Variants in COBLL1 observed in about 807,000 individuals in gnomAD.
The protein encoded by COBLL1 is cordon-bleu protein-like 1.
A neutral mutation model predicts 94.8 loss-of-function variants in COBLL1; 50 were observed. The ratio of observed to expected loss-of-function variants is 0.53; its 90% CI spans 0.42 to 0.67. The LOEUF (loss-of-function observed/expected upper bound fraction) is 0.67. Ranked by LOEUF, COBLL1 falls within the 30% of genes least tolerant of loss-of-function variation. The probability of loss-of-function intolerance (pLI) is 0.00; values close to 1 mark genes in which losing one functional copy is unlikely to be tolerated. For synonymous variants in COBLL1, 448 were observed against 473.8 expected (o/e 0.95, Z 0.71); for missense variants, 1,362 against 1,348.7 (o/e 1.01, Z -0.15).
intron 2 of COBLL1, among the ~76,000 whole-genome samples, chr2:164,808,267 C>T (rs1045453381): frequency 6.6e-6 from 1 of 152,112 alleles, no homozygotes; most frequent in Admixed American, 6.6e-5. Context: ...CAGTTTGATG[C>T]TTTATAGTCT....
intron 7 of COBLL1, among the ~76,000 whole-genome samples, chr2:164,705,979 A>G (rs2105459225): frequency 6.6e-6 from 1 of 152,344 alleles, no homozygotes; most frequent in Admixed American, 6.5e-5. Flanking sequence ...GGTGGCAGTG[A>G]GCCAAGATTG....
chr2:164,721,568 AT>A (rs1685443439), intron 7 of COBLL1, among the ~76,000 whole-genome samples: 8 of 152,132 alleles, frequency 5.3e-5, no homozygotes. Context: ...AAAAAGGCTC[AT>A]TTTCTTTTTT....
At chr2:164,702,538 T>C (rs1417709078) in intron 9 of COBLL1, among the ~76,000 whole-genome samples, 1 of 121,834 alleles carries the variant, frequency 8.2e-6, no homozygotes, top group East Asian at 2.3e-4. Context: ...CACTCCAGCC[T>C]GGGCAACAGT....
At position 164,834,597 on chromosome 2, in the gene COBLL1, T is replaced by C. The variant is rs537031694; in HGVS notation, c.41+6559A>G. ...ATTACTAGTTTATTTACTGATCTTA[T>C]AAATTAGGCCAGTGGGTCAGCAAAC... On this transcript the variant is annotated intron_variant, in intron 2 of 13. Transcript: ENST00000652658. Among the ~76,000 whole-genome samples the C allele has an allele frequency of 1.5e-3, 226 of 152,378 alleles. 2 individuals carry two copies. The highest frequency in any genetic ancestry group is 0.01 in the Middle Eastern group (3 of 294).
rs570295510 is a variant in COBLL1 at position 164,796,384 on chromosome 2, G to A, written c.41+44772C>T. On this transcript the variant is annotated intron_variant, in intron 2 of 13. Transcript: ENST00000652658. ...TGAAAATGAATTAACATGAAAAAGTGAAGAGCATTAGCAGAGAAAAATCAG... is the reference window on the plus strand; with the variant it reads ...TGAAAATGAATTAACATGAAAAAGTAAAGAGCATTAGCAGAGAAAAATCAG... Among the ~76,000 whole-genome samples, 12 of 152,204 alleles carry A rather than the reference G, an allele frequency of 7.9e-5. 1 individual carries two copies. The South Asian group carries it at 2.1e-3, about 26-fold the overall frequency.
At chr2:164,687,192 T>C in intron 13 of COBLL1, 1 of 412,758 alleles carries the variant, frequency 2.4e-6, no homozygotes, top group Non-Finnish European at 4.4e-6. Context: ...AGCCAACAAA[T>C]GACAGGTAAT....
At chr2:164,800,255 T>C (rs1048365025) in intron 2 of COBLL1, among the ~76,000 whole-genome samples, 4 of 152,106 alleles carry the variant, frequency 2.6e-5, no homozygotes, top group Admixed American at 6.5e-5. Flanking sequence ...AAATTAAAAA[T>C]TGGCCAGGGA....
intron 7 of COBLL1, among the ~76,000 whole-genome samples, chr2:164,705,911 G>A (rs1473003591): frequency 1.3e-5 from 2 of 152,170 alleles, no homozygotes; most frequent in Admixed American, 1.3e-4. Flanking sequence ...GCATGTGCCT[G>A]TAATCCCAGC....
rs77325907 is a variant in COBLL1 at position 164,695,104 on chromosome 2, G to A, written c.2288C>T (p.Ala763Val). 336 of 1,613,862 alleles carry A rather than the reference G, an allele frequency of 2.1e-4. No homozygotes were observed. The African/African-American group carries it at 3.9e-3, about 19-fold the overall frequency. Residue 763 changes from alanine to valine, a missense_variant, in exon 12 of 14, where the codon GCT (alanine) becomes GTT (valine). By Grantham distance (64) the Ala-to-Val change is moderately conservative. Transcript: ENST00000652658. The stretch of plus-strand genomic sequence containing the variant: ...CTCATGAGTGTGCTTTTTCCCTAAA[G>A]CATGCATGTCCTGATCATCTTTATA... ...IEYKDDQDMHALGKKHTHENV... is the reference protein window; with the variant it reads ...IEYKDDQDMHVLGKKHTHENV...
chr2:164,831,684 A>G (rs1683084345), intron 2 of COBLL1, among the ~76,000 whole-genome samples: 1 of 152,010 alleles, frequency 6.6e-6, no homozygotes, highest in African/African-American at 2.4e-5. Context: ...TAACTGAATC[A>G]CGGATACCTG....
chr2:164,695,548 C>T lies in COBLL1; in HGVS notation c.1844G>A (p.Gly615Glu). 4.3e-6 allele frequency: 7 copies of T among 1,613,802 alleles called. No homozygotes were observed. Among genetic ancestry groups the T allele is most frequent in the Non-Finnish European group, 5.9e-6 (7 of 1,179,868 alleles). The stretch of plus-strand genomic sequence containing the variant: ...AGATAAATTATGATCTTGGTGTTTC[C>T]CATCAAAACTGTTACAAGAAGGGGT... ...QTTPSCNSFD[G>E]KHQDHNLSDS... is the part of the protein sequence containing the mutation. The change falls in exon 12 of 14, where the codon GGG becomes GAG. Residue 615 changes from glycine to glutamate, a missense_variant. By Grantham distance (98) the Gly-to-Glu change is moderately conservative. Coordinates refer to ENST00000652658, the MANE Select transcript of COBLL1 (RefSeq NM_001365672.2).
chr2:164,731,086 G>GA, intron 3 of COBLL1, among the ~76,000 whole-genome samples: 1 of 152,288 alleles, frequency 6.6e-6, no homozygotes, highest in Non-Finnish European at 1.5e-5. Context: ...AGTTGTATTA[G>GA]AAAATAGTCA....
In COBLL1 at chr2:164,824,443, T is replaced by C. The variant is rs906505009; in HGVS notation, c.41+16713A>G. Among the ~76,000 whole-genome samples, 5 of 151,896 alleles carry C rather than the reference T, an allele frequency of 3.3e-5. No homozygotes were observed. The East Asian group carries it at 7.7e-4, about 23-fold the overall frequency. On this transcript the variant is annotated intron_variant, in intron 2 of 13. Transcript: ENST00000652658. ...TCTATCCATAGCATTATCTAAAATA[T>C]ATCTGAAAAAACAATGATTTCAAGA...
chr2:164,727,275 A>G (rs1401933721), intron 5 of COBLL1: 1 of 453,952 alleles, frequency 2.2e-6, no homozygotes, highest in Non-Finnish European at 4.0e-6. Flanking sequence ...TAAATTTTGA[A>G]GTCTCTATGC....
intron 2 of COBLL1, among the ~76,000 whole-genome samples, chr2:164,778,669 A>G (rs1688590109): frequency 6.6e-6 from 1 of 152,196 alleles, no homozygotes; most frequent in African/African-American, 2.4e-5. Context: ...TCAGTAAAAC[A>G]GGGCAGTCAT....
chr2:164,806,644 T>C (rs1320612999), intron 2 of COBLL1, among the ~76,000 whole-genome samples: 1 of 152,180 alleles, frequency 6.6e-6, no homozygotes, highest in African/African-American at 2.4e-5. Context: ...ACTTTCTTCA[T>C]AATTTTCATT....
At chr2:164,742,868 A>AGG (rs1553473743) in intron 3 of COBLL1, among the ~76,000 whole-genome samples, 2 of 152,046 alleles carry the variant, frequency 1.3e-5, no homozygotes, top group Non-Finnish European at 2.9e-5. Context: ...AGAGAGAGAG[A>AGG]GAGCGAGCGA....
At chr2:164,767,117 C>T (rs533182925) in intron 2 of COBLL1, among the ~76,000 whole-genome samples, 2 of 152,160 alleles carry the variant, frequency 1.3e-5, no homozygotes, top group African/African-American at 4.8e-5. Flanking sequence ...GGTTTCACTA[C>T]GGAAACACAG....
chr2:164,747,018 AT>A (rs2105572672), intron 2 of COBLL1, among the ~76,000 whole-genome samples: 1 of 152,242 alleles, frequency 6.6e-6, no homozygotes, highest in Admixed American at 6.5e-5. Context: ...AATACACAGA[AT>A]CTCTGGGACC....
Sources: allele counts gnomAD v4.1 joint callset (sites outside exome capture counted in the v4.1 genomes callset), GRCh38; gene constraint gnomAD v4.1.1; transcripts MANE v1.5; gene names NCBI Gene and HGNC (gene_info 2026-07-23, HGNC 2026-07-21).